Variants in PKD1L1 observed in about 807,000 individuals in gnomAD.
PKD1L1 encodes polycystin 1 like 1, transient receptor potential channel interacting.
Under a neutral mutation model 323.4 loss-of-function variants are expected in PKD1L1, and 236 were observed. That is an observed-to-expected ratio of 0.73 (90% CI 0.66 to 0.81). The LOEUF (loss-of-function observed/expected upper bound fraction) is 0.81, where lower values mean the gene tolerates loss of function less well. PKD1L1 is among the 40% of genes least tolerant of loss of function. The pLI, the probability that PKD1L1 is intolerant of heterozygous loss-of-function variation, is 0.00. For missense variants in PKD1L1, 3,320 were observed against 3,508.0 expected, an observed-to-expected ratio of 0.95 and a Z score of 1.35; for synonymous variants, 1,344 against 1,335.0, an observed-to-expected ratio of 1.01 and a Z score of -0.15.
At chr7:47,826,301 A>G (rs1785239754) in intron 45 of PKD1L1, among the ~76,000 whole-genome samples, 1 of 152,052 alleles carries the variant, frequency 6.6e-6, no homozygotes, top group Non-Finnish European at 1.5e-5. Context: ...TTTGTTGTGC[A>G]TGTTTTCTAT....
chr7:47,959,257 T>A, the PKD1L1 span, among the ~76,000 whole-genome samples: 1 of 151,580 alleles, frequency 6.6e-6, no homozygotes, highest in Non-Finnish European at 1.5e-5. Flanking sequence ...GTCTGGGAAG[T>A]GAGGAGCGTC....
intron 26 of PKD1L1, among the ~76,000 whole-genome samples, chr7:47,859,470 TTTTC>T (rs1028940966): frequency 6.6e-6 from 1 of 152,016 alleles, no homozygotes; most frequent in Non-Finnish European, 1.5e-5. Context: ...TTTCCTTTTT[TTTTC>T]TTTCTCTCTC....
At chr7:47,878,233 T>A (rs1786452290) in intron 21 of PKD1L1, among the ~76,000 whole-genome samples, 1 of 152,216 alleles carries the variant, frequency 6.6e-6, no homozygotes, top group South Asian at 2.1e-4. Context: ...TTGTTGTAAA[T>A]AGCAGCATAA....
At chr7:47,865,891 A>G (rs971089329) in intron 25 of PKD1L1, among the ~76,000 whole-genome samples, 8 of 149,240 alleles carry the variant, frequency 5.4e-5, no homozygotes, top group African/African-American at 2.0e-4. Context: ...CACTGCGCCC[A>G]GCCAGAGCTA....
chr7:47,881,713 T>C (rs1786557456), intron 20 of PKD1L1, among the ~76,000 whole-genome samples, 196 bp downstream of exon 20: 1 of 152,194 alleles, frequency 6.6e-6, no homozygotes, highest in Non-Finnish European at 1.5e-5. Flanking sequence ...GATCTCCTGG[T>C]AGCAACAGAC....
At chr7:47,819,695 C>T (rs950639037) in intron 46 of PKD1L1, 4 of 676,494 alleles carry the variant, frequency 5.9e-6, no homozygotes, top group Admixed American at 6.7e-5. Context: ...CACCCAGACT[C>T]ATAGCACTGG....
At chr7:47,959,590 T>C in the PKD1L1 span, among the ~76,000 whole-genome samples, 157 of 107,308 alleles carry the variant, frequency 1.5e-3, no homozygotes, top group South Asian at 2.2e-3. Context: ...GCCTGGCAAC[T>C]GCCCCATATG....
chr7:47,937,736 A>G (rs535493429), intron 3 of PKD1L1, among the ~76,000 whole-genome samples: 1 of 152,142 alleles, frequency 6.6e-6, no homozygotes, highest in South Asian at 2.1e-4. Context: ...AGTGAGATGG[A>G]GCCCAAGAGA....
chr7:47,864,556 CTTCTTT>C (rs1562963959), intron 26 of PKD1L1, among the ~76,000 whole-genome samples: 1 of 150,972 alleles, frequency 6.6e-6, no homozygotes, highest in Non-Finnish European at 1.5e-5. Context: ...TCCTTTCTTC[CTTCTTT>C]TTCTTTTTCT....
At chr7:47,954,486 C>T in the PKD1L1 span, among the ~76,000 whole-genome samples, 1 of 152,198 alleles carries the variant, frequency 6.6e-6, no homozygotes, top group African/African-American at 2.4e-5. Context: ...TGCCTCCTTT[C>T]TGTCTCCTGC....
intron 24 of PKD1L1, among the ~76,000 whole-genome samples, chr7:47,872,603 CAATT>C (rs1248913365): frequency 3.9e-5 from 6 of 152,144 alleles, no homozygotes; most frequent in Non-Finnish European, 7.3e-5. Context: ...TCAACCTCAT[CAATT>C]ATTAGAGAAA....
intron 47 of PKD1L1, 119 bp downstream of exon 47, chr7:47,815,215 A>C (rs1178876432): frequency 7.4e-7 from 1 of 1,353,802 alleles, no homozygotes; most frequent in African/African-American, 1.5e-5. Context: ...CCGGCCTTAC[A>C]CCTGCATGGT....
chr7:47,885,522 A>G (rs1277459448), intron 18 of PKD1L1, among the ~76,000 whole-genome samples, 164 bp downstream of exon 18: 1 of 152,192 alleles, frequency 6.6e-6, no homozygotes, highest in Non-Finnish European at 1.5e-5. Flanking sequence ...CCGAAACTCG[A>G]TGACTATTGC....
intron 26 of PKD1L1, among the ~76,000 whole-genome samples, chr7:47,863,869 C>T (rs188207681): frequency 6.6e-6 from 1 of 152,224 alleles, no homozygotes; most frequent in Non-Finnish European, 1.5e-5. Context: ...AAAAAACACA[C>T]ACACAAACAA....
intron 52 of PKD1L1, among the ~76,000 whole-genome samples, chr7:47,804,547 AC>A (rs1359059295): frequency 6.7e-6 from 1 of 148,306 alleles, no homozygotes; most frequent in East Asian, 2.0e-4. Context: ...GCTCACTGCA[AC>A]CTCCGCCTCC....
At position 47,904,671 on chromosome 7, in the gene PKD1L1, G is replaced by C; in HGVS notation, c.1692-54C>G. ...AGGCAGATGGCAAGACAAGAACAGG[G>C]TCAGGTCTAGAGAAACCGTCTGCTA... On this transcript the variant is annotated intron_variant, in intron 11 of 56. Coordinates refer to ENST00000289672, the MANE Select transcript of PKD1L1 (RefSeq NM_138295.5). 1.9e-6 allele frequency: 3 copies of C among 1,572,320 alleles called. No homozygotes were observed. In the East Asian group the frequency reaches 6.8e-5, roughly 35 times the overall value.
intron 44 of PKD1L1, 150 bp from the exon 45 acceptor site, chr7:47,827,618 A>G (rs1785264792): frequency 1.6e-6 from 1 of 623,674 alleles, no homozygotes; most frequent in African/African-American, 1.8e-5. Flanking sequence ...TATGGATAAC[A>G]TAGACCAGGT....
At chr7:47,918,242 G>T (rs555468661) in intron 7 of PKD1L1, among the ~76,000 whole-genome samples, 2 of 152,092 alleles carry the variant, frequency 1.3e-5, no homozygotes, top group South Asian at 4.2e-4. Flanking sequence ...AGACAAAGAA[G>T]AACATTATAT....
At chr7:47,835,481 A>T (rs1583607610) in intron 37 of PKD1L1, among the ~76,000 whole-genome samples, 1 of 151,608 alleles carries the variant, frequency 6.6e-6, no homozygotes, top group Admixed American at 6.6e-5. Flanking sequence ...GCTCACTGCG[A>T]CCTCCGCCTC....
Sources: allele counts gnomAD v4.1 joint callset (sites outside exome capture counted in the v4.1 genomes callset), GRCh38; gene constraint gnomAD v4.1.1; transcripts MANE v1.5; gene names NCBI Gene and HGNC (gene_info 2026-07-23, HGNC 2026-07-21).